C4orf51: variants seen among roughly 807,000 people sequenced by gnomAD.
C4orf51 encodes chromosome 4 open reading frame 51.
Under a neutral mutation model 25.2 loss-of-function variants are expected in C4orf51, and 25 were observed. The observed-to-expected ratio is 0.99, with a 90% CI of 0.72 to 1.39. C4orf51 has a LOEUF of 1.39. Ranked by LOEUF, C4orf51 falls within the 40% of genes most tolerant of loss-of-function variation. The probability of loss-of-function intolerance (pLI) is 0.00; values close to 1 mark genes in which losing one functional copy is unlikely to be tolerated. For synonymous variants in C4orf51, 100 were observed against 84.5 expected (o/e 1.18, Z -1.01); for missense variants, 252 against 239.6 (o/e 1.05, Z -0.34).
chr4:145,725,192 T>C (rs1031656441), intron 2 of C4orf51, among the ~76,000 whole-genome samples: 2 of 151,496 alleles, frequency 1.3e-5, no homozygotes, highest in Non-Finnish European at 2.9e-5. Context: ...AATAAAAAAA[T>C]TAGAAATTTT....
Position 145,764,508 on chromosome 4 carries a change from G to C in C4orf51, n.167-6480G>C, listed in dbSNP as rs116359608. Among the ~76,000 whole-genome samples, 480 of 152,300 alleles carry C rather than the reference G, an allele frequency of 3.2e-3. 1 individual carries two copies. The highest frequency in any genetic ancestry group is 0.011 in the African/African-American group (450 of 41,574). ...GAGGATCATGAAGCACATGATCGTT[G>C]CATGAAAAATGTTGCTTCCTGCCTG... is the stretch of plus-strand genomic sequence containing the variant. On this transcript the variant is annotated intron_variant and non_coding_transcript_variant, in intron 1 of 1. Coordinates refer to the C4orf51 transcript ENST00000510096.
chr4:145,728,175 G>A (rs1475451069), intron 3 of C4orf51, among the ~76,000 whole-genome samples: 1 of 150,712 alleles, frequency 6.6e-6, no homozygotes, highest in Non-Finnish European at 1.5e-5. Context: ...TCTCTTCAGG[G>A]TACGTTCCCA....
chr4:145,731,562 ATCT>A (rs1732466458), intron 5 of C4orf51, among the ~76,000 whole-genome samples: 3 of 93,248 alleles, frequency 3.2e-5, no homozygotes, highest in Non-Finnish European at 6.4e-5. Context: ...GACAAGGCAA[ATCT>A]TTTTTTTTTT....
intron 2 of C4orf51, among the ~76,000 whole-genome samples, chr4:145,714,618 T>A (rs1284837186): frequency 6.6e-6 from 1 of 152,204 alleles, no homozygotes; most frequent in Non-Finnish European, 1.5e-5. Flanking sequence ...TCATAACAAT[T>A]ATTTTAAATT....
At chr4:145,694,853 T>G (rs1427103376) in intron 1 of C4orf51, among the ~76,000 whole-genome samples, 1 of 152,162 alleles carries the variant, frequency 6.6e-6, no homozygotes, top group Non-Finnish European at 1.5e-5. Flanking sequence ...GAAACACTCA[T>G]AAATCCCTTT....
the C4orf51 span, among the ~76,000 whole-genome samples, chr4:145,785,636 C>G: frequency 6.6e-6 from 1 of 152,188 alleles, no homozygotes; most frequent in Non-Finnish European, 1.5e-5. Flanking sequence ...GAACGATCAT[C>G]TTGTTCAATG....
At chr4:145,683,630 G>C (rs1728964023) in intron 1 of C4orf51, among the ~76,000 whole-genome samples, 1 of 152,148 alleles carries the variant, frequency 6.6e-6, no homozygotes, top group East Asian at 1.9e-4. Flanking sequence ...AGAAGCAAAG[G>C]CAATACAATG....
chr4:145,692,203 T>A (rs1487279585), intron 1 of C4orf51, among the ~76,000 whole-genome samples: 1 of 151,764 alleles, frequency 6.6e-6, no homozygotes, highest in Non-Finnish European at 1.5e-5. Flanking sequence ...GACAGAAGAG[T>A]CAACAGTAGT....
intron 1 of C4orf51, among the ~76,000 whole-genome samples, chr4:145,696,223 C>T (rs894550138): frequency 2.6e-5 from 4 of 152,164 alleles, no homozygotes; most frequent in South Asian, 4.1e-4. Context: ...GATCACACCA[C>T]TGCACTCCAG....
At chr4:145,750,211 CCA>C (rs1733597014) in intron 1 of C4orf51, among the ~76,000 whole-genome samples, 2 of 151,922 alleles carry the variant, frequency 1.3e-5, no homozygotes, top group Non-Finnish European at 2.9e-5. Context: ...ATTTACATTA[CCA>C]GTGAGTTTTG....
chr4:145,689,263 T>C (rs1729374203), intron 1 of C4orf51, among the ~76,000 whole-genome samples: 1 of 152,166 alleles, frequency 6.6e-6, no homozygotes, highest in Non-Finnish European at 1.5e-5. Flanking sequence ...AGGAAAAAGT[T>C]AGATAAATTT....
chr4:145,700,738 G>A (rs931116941), intron 2 of C4orf51, among the ~76,000 whole-genome samples: 6 of 151,860 alleles, frequency 4.0e-5, no homozygotes, highest in Admixed American at 6.6e-5. Flanking sequence ...CCCAAGCGTC[G>A]CTGAGTCTTT....
chr4:145,776,562 C>T, the C4orf51 span, among the ~76,000 whole-genome samples: 1 of 151,758 alleles, frequency 6.6e-6, no homozygotes, highest in Admixed American at 6.6e-5. Context: ...AAGGTAAGCC[C>T]CACACAGGGC....
chr4:145,724,497 G>T (rs1231785129), intron 2 of C4orf51, among the ~76,000 whole-genome samples: 1 of 151,984 alleles, frequency 6.6e-6, no homozygotes, highest in African/African-American at 2.4e-5. Context: ...TAATGACTAG[G>T]TCCCATCATA....
the C4orf51 span, among the ~76,000 whole-genome samples, chr4:145,787,464 GAAAAAAAAAA>G: frequency 1.2e-5 from 1 of 83,216 alleles, no homozygotes; most frequent in African/African-American, 4.4e-5. Context: ...TCCGTCTCAG[GAAAAAAAAAA>G]AAAAAAAAAA....
chr4:145,693,317 C>G (rs1435836886), intron 1 of C4orf51, among the ~76,000 whole-genome samples: 1 of 151,108 alleles, frequency 6.6e-6, no homozygotes, highest in Non-Finnish European at 1.5e-5. Context: ...TGAGTGGACA[C>G]AGCACATGTT....
At chr4:145,690,254 C>T (rs747490354) in intron 1 of C4orf51, among the ~76,000 whole-genome samples, 3 of 151,772 alleles carry the variant, frequency 2.0e-5, no homozygotes, top group African/African-American at 4.8e-5. Flanking sequence ...GTCTGTAATC[C>T]CAGCACTTTG....
intron 1 of C4orf51, among the ~76,000 whole-genome samples, chr4:145,693,869 G>C: frequency 7.4e-6 from 1 of 134,600 alleles, no homozygotes; most frequent in Admixed American, 7.3e-5. Context: ...CTCCCGGACG[G>C]GGTGGCTGCC....
intron 1 of C4orf51, among the ~76,000 whole-genome samples, chr4:145,769,960 G>A (rs1735992615): frequency 6.6e-6 from 1 of 152,136 alleles, no homozygotes; most frequent in Non-Finnish European, 1.5e-5. Context: ...AACAAAGTAA[G>A]CACTTCTACT....
Sources: gnomAD v4.1 joint callset for allele counts (sites outside exome capture counted in the v4.1 genomes callset) on GRCh38, gnomAD v4.1.1 for gene constraint, MANE v1.5 for transcripts, NCBI Gene and HGNC (gene_info 2026-07-23, HGNC 2026-07-21) for gene names.